The following ART3 variants were observed in gnomAD, a reference collection of about 807,000 sequenced individuals.
ART3 encodes ecto-ADP-ribosyltransferase 3.
A neutral mutation model predicts 48.5 loss-of-function variants in ART3; 49 were observed. That is an observed-to-expected ratio of 1.01 (90% CI 0.80 to 1.28). The LOEUF (loss-of-function observed/expected upper bound fraction) is 1.28, where lower values mean the gene tolerates loss of function less well. Ranked by LOEUF, ART3 falls within the 50% of genes most tolerant of loss-of-function variation. The pLI is 0.00. For missense variants in ART3, 438 were observed against 454.3 expected, an observed-to-expected ratio of 0.96 and a Z score of 0.33; for synonymous variants, 145 against 157.2, an observed-to-expected ratio of 0.92 and a Z score of 0.58.
intron 1 of ART3, chr4:76,022,390 A>G (rs1732929586): frequency 2.5e-6 from 4 of 1,613,724 alleles, no homozygotes; most frequent in Non-Finnish European, 3.4e-6. Flanking sequence ...TGCTTTCAGT[A>G]AATTCTTGAT....
At chr4:76,037,233 C>G (rs1734511159) in intron 1 of ART3, among the ~76,000 whole-genome samples, 1 of 127,542 alleles carries the variant, frequency 7.8e-6, no homozygotes, top group South Asian at 2.5e-4. Flanking sequence ...GATGTAATTC[C>G]TATTTTTTTG....
Position 76,112,474 on chromosome 4 carries a change from C to G in ART3, c.1125C>G (p.Ile375Met). 6.2e-7 allele frequency: 1 copy of G among 1,614,050 alleles called. No homozygotes were observed. The highest frequency in any genetic ancestry group is 2.2e-5 in the East Asian group (1 of 44,868). The change falls in exon 12 of 12, where the codon ATC becomes ATG. Residue 375 changes from isoleucine to methionine, a missense_variant. Ile to Met is a conservative substitution (Grantham distance 10). Around this residue, in one of 3 missense-constraint regions of ART3, gnomAD observed 227 missense variants for 229.6 expected, o/e 0.99. Transcript: ENST00000355810. ...KLLLPQFGMV[I>M]ILISVSAINL... Reference sequence around the variant, plus strand: ...TGCTTCCACAGTTTGGGATGGTCATCATTTTAATCAGTGTTTCTGCTATAA... The same window carrying G: ...TGCTTCCACAGTTTGGGATGGTCATGATTTTAATCAGTGTTTCTGCTATAA...
intron 1 of ART3, among the ~76,000 whole-genome samples, chr4:76,062,356 A>G (rs1219271417): frequency 6.6e-6 from 1 of 151,998 alleles, no homozygotes; most frequent in Non-Finnish European, 1.5e-5. Flanking sequence ...GTTAATAACT[A>G]TTTTTTTAGG....
intron 1 of ART3, among the ~76,000 whole-genome samples, chr4:76,061,120 T>C (rs1004916520): frequency 2.0e-5 from 3 of 152,214 alleles, no homozygotes; most frequent in African/African-American, 7.2e-5. Flanking sequence ...ACTCTCAAAT[T>C]TAAATGACTA....
intron 3 of ART3, among the ~76,000 whole-genome samples, chr4:76,095,051 CTTCTT>C (rs1401527349): frequency 6.6e-6 from 1 of 152,136 alleles, no homozygotes; most frequent in Non-Finnish European, 1.5e-5. Flanking sequence ...ATTTATGCCT[CTTCTT>C]TTATTTCTGG....
intron 1 of ART3, chr4:76,041,478 G>T (rs7699624): frequency 0.61 from 92,271 of 151,232 alleles, 29,141 homozygotes; most frequent in East Asian, 0.94. Flanking sequence ...AGAACTTACT[G>T]TCTTTTCTAA....
chr4:76,091,805 C>T (rs1160979174), intron 3 of ART3, among the ~76,000 whole-genome samples: 1 of 151,820 alleles, frequency 6.6e-6, no homozygotes, highest in African/African-American at 2.4e-5. Flanking sequence ...CCTCAGTCTC[C>T]CAAGTAGCTG....
chr4:76,082,958 AC>A (rs5859491), intron 3 of ART3, among the ~76,000 whole-genome samples: 55,021 of 151,882 alleles, frequency 0.36, 10,095 homozygotes, highest in East Asian at 0.43. Flanking sequence ...ATGTTGAGAG[AC>A]CCTACTATAA....
chr4:76,046,409 T>C (rs1424067424), intron 1 of ART3, among the ~76,000 whole-genome samples: 2 of 152,102 alleles, frequency 1.3e-5, no homozygotes, highest in Non-Finnish European at 2.9e-5. Flanking sequence ...TAGTCTCCAC[T>C]GACTGTTCGG....
intron 3 of ART3, among the ~76,000 whole-genome samples, chr4:76,082,973 T>A (rs1375586668): frequency 6.6e-6 from 1 of 152,092 alleles, no homozygotes; most frequent in African/African-American, 2.4e-5. Context: ...ACTATAAGGC[T>A]TACAATAAAT....
chr4:76,035,980 A>G (rs1209323020), intron 1 of ART3: 1 of 1,613,780 alleles, frequency 6.2e-7, no homozygotes, highest in Non-Finnish European at 8.5e-7. Flanking sequence ...CATGCCCTTC[A>G]CACTCATGTT....
chr4:76,065,556 C>CACACACACAT (rs1719653497), intron 1 of ART3, among the ~76,000 whole-genome samples: 1 of 151,328 alleles, frequency 6.6e-6, no homozygotes, highest in Non-Finnish European at 1.5e-5. Context: ...CCCTCCAACA[C>CACACACACAT]ACACACACAC....
chr4:76,064,251 C>A (rs1363663262), intron 1 of ART3, among the ~76,000 whole-genome samples: 7 of 152,142 alleles, frequency 4.6e-5, no homozygotes, highest in African/African-American at 1.7e-4. Context: ...CTTTTCCCAA[C>A]AACCACCATG....
intron 5 of ART3, 197 bp downstream of exon 5, chr4:76,099,184 C>T (rs1367892194): frequency 1.9e-6 from 1 of 529,260 alleles, no homozygotes; most frequent in Non-Finnish European, 3.5e-6. Flanking sequence ...CACCTGTAGT[C>T]CCAGCTACTT....
upstream of ART3, among the ~76,000 whole-genome samples, chr4:76,072,878 CCA>C (rs921935693): frequency 7.9e-5 from 12 of 152,120 alleles, no homozygotes; most frequent in Non-Finnish European, 2.9e-5. Flanking sequence ...TGTTTGACTG[CCA>C]CAGTCTTCAT....
chr4:76,097,759 A>T, intron 4 of ART3, 83 bp downstream of exon 4: 1 of 1,081,602 alleles, frequency 9.2e-7, no homozygotes, highest in Non-Finnish European at 1.4e-6. Context: ...CTACCCCACC[A>T]CTGTACTGTC....
intron 11 of ART3, among the ~76,000 whole-genome samples, chr4:76,110,471 G>T (rs184387811): frequency 6.6e-6 from 1 of 152,294 alleles, no homozygotes; most frequent in African/African-American, 2.4e-5. Flanking sequence ...ACTGAGGGAT[G>T]ACTGTATATC....
At chr4:76,068,677 CTG>C (rs1476120983) in intron 1 of ART3, among the ~76,000 whole-genome samples, 4 of 151,952 alleles carry the variant, frequency 2.6e-5, no homozygotes, top group Non-Finnish European at 5.9e-5. Context: ...AAAAAAATAA[CTG>C]TTGTGTACTA....
chr4:76,064,153 C>G (rs1260063166), intron 1 of ART3, among the ~76,000 whole-genome samples: 2 of 152,160 alleles, frequency 1.3e-5, no homozygotes, highest in Non-Finnish European at 2.9e-5. Flanking sequence ...CAGGTTAGAA[C>G]TGGTCTTCAA....
Sources: gnomAD v4.1 joint callset for allele counts (sites outside exome capture counted in the v4.1 genomes callset) on GRCh38, gnomAD v4.1.1 for gene constraint, gnomAD v4.1.1 regional missense constraint, MANE v1.5 for transcripts, NCBI Gene and HGNC (gene_info 2026-07-23, HGNC 2026-07-21) for gene names.